Variants in TANK observed in about 807,000 individuals in gnomAD.
The protein encoded by TANK is TRAF family member-associated NF-kappa-B activator.
TANK carries 15 observed loss-of-function variants against 43.6 expected under a neutral mutation model. The observed-to-expected ratio is 0.34, with a 90% CI of 0.23 to 0.53. The LOEUF (loss-of-function observed/expected upper bound fraction) is 0.53, where lower values mean the gene tolerates loss of function less well. Among genes scored for constraint, TANK ranks in the 20% least tolerant of loss-of-function variants. The pLI is 0.94. For missense variants in TANK, 417 were observed against 498.6 expected (o/e 0.84, Z 1.56); for synonymous variants, 162 against 178.2 (o/e 0.91, Z 0.73).
intron 4 of TANK, among the ~76,000 whole-genome samples, chr2:161,218,094 C>T (rs908824268): frequency 6.6e-6 from 1 of 152,084 alleles, no homozygotes; most frequent in Admixed American, 6.6e-5. Context: ...TTTGGCAAAA[C>T]TTGAGTAAAT....
At chr2:161,216,085 A>G (rs779442643) in intron 4 of TANK, among the ~76,000 whole-genome samples, 20 of 152,140 alleles carry the variant, frequency 1.3e-4, no homozygotes, top group Admixed American at 4.6e-4. Flanking sequence ...TGTCAATAGT[A>G]GTGTGATTTT....
intron 4 of TANK, among the ~76,000 whole-genome samples, chr2:161,217,381 CCTT>C (rs973303699): frequency 1.4e-4 from 22 of 152,282 alleles, no homozygotes; most frequent in African/African-American, 4.6e-4. Flanking sequence ...ATCTCATTCT[CCTT>C]CTTGGTTCTT....
At chr2:161,144,037 T>C (rs1683830436) in intron 1 of TANK, among the ~76,000 whole-genome samples, 1 of 152,188 alleles carries the variant, frequency 6.6e-6, no homozygotes, top group Non-Finnish European at 1.5e-5. Context: ...GGTTTAGTCT[T>C]GGGAGGGTGT....
At chr2:161,137,291 A>T (rs1683614364) in intron 1 of TANK, 1 of 967,100 alleles carries the variant, frequency 1.0e-6, no homozygotes, top group South Asian at 4.8e-5. Context: ...TGGGAGGCCA[A>T]GGTAAGAGGA....
intron 1 of TANK, among the ~76,000 whole-genome samples, chr2:161,148,116 G>T (rs1356847404): frequency 6.6e-6 from 1 of 152,122 alleles, no homozygotes; most frequent in Non-Finnish European, 1.5e-5. Context: ...TTCCACAGTG[G>T]TTGAACTATT....
chr2:161,169,882 C>A (rs1440238069), intron 1 of TANK, among the ~76,000 whole-genome samples: 1 of 152,138 alleles, frequency 6.6e-6, no homozygotes, highest in Non-Finnish European at 1.5e-5. Context: ...AAAGGGAAGA[C>A]AATATATGCT....
chr2:161,167,612 G>A (rs1243185940), intron 1 of TANK, among the ~76,000 whole-genome samples: 1 of 151,662 alleles, frequency 6.6e-6, no homozygotes. Flanking sequence ...CCAGGTTTTT[G>A]TTTGTTTGTT....
intron 2 of TANK, among the ~76,000 whole-genome samples, chr2:161,202,667 A>G (rs903201434): frequency 6.6e-6 from 1 of 152,142 alleles, no homozygotes; most frequent in African/African-American, 2.4e-5. Flanking sequence ...TTTGCAACTT[A>G]GTCATTATTT....
At chr2:161,219,068 A>T (rs985604434) in intron 4 of TANK, among the ~76,000 whole-genome samples, 1 of 152,230 alleles carries the variant, frequency 6.6e-6, no homozygotes, top group Non-Finnish European at 1.5e-5. Flanking sequence ...CTTCCCTTTA[A>T]AGAAATCAGA....
At chr2:161,152,998 C>T (rs182793126) in intron 1 of TANK, among the ~76,000 whole-genome samples, 12 of 151,966 alleles carry the variant, frequency 7.9e-5, no homozygotes, top group African/African-American at 2.7e-4. Flanking sequence ...ATTTTTTCTG[C>T]TTCATTTCTC....
chr2:161,175,356 G>C (rs150313036), intron 1 of TANK, among the ~76,000 whole-genome samples: 1 of 152,264 alleles, frequency 6.6e-6, no homozygotes, highest in Non-Finnish European at 1.5e-5. Context: ...TATAGCTATA[G>C]ATAAGTCATT....
intron 1 of TANK, among the ~76,000 whole-genome samples, chr2:161,149,891 A>ATT (rs1192493679): frequency 2.0e-5 from 3 of 152,014 alleles, no homozygotes; most frequent in African/African-American, 7.2e-5. Flanking sequence ...GTTTGCTAGT[A>ATT]TTTTGTGGAG....
At chr2:161,180,857 C>T (rs1027452465) in intron 2 of TANK, among the ~76,000 whole-genome samples, 2 of 151,032 alleles carry the variant, frequency 1.3e-5, no homozygotes, top group Admixed American at 6.6e-5. Context: ...AATTCAGTAA[C>T]GTGTGCAGTA....
chr2:161,215,138 C>T (rs971096526), intron 4 of TANK, among the ~76,000 whole-genome samples: 4 of 152,246 alleles, frequency 2.6e-5, no homozygotes, highest in African/African-American at 9.6e-5. Context: ...TTACCTCTCC[C>T]AACAGTGGAT....
intron 5 of TANK, 48 bp from the exon 6 acceptor site, chr2:161,224,583 C>A: frequency 1.2e-6 from 1 of 859,462 alleles, no homozygotes; most frequent in Non-Finnish European, 1.7e-6. Flanking sequence ...ATTTAAAAAA[C>A]TTGGAAGTTA....
chr2:161,218,008 A>T (rs141207308), intron 4 of TANK, among the ~76,000 whole-genome samples: 2 of 152,158 alleles, frequency 1.3e-5, no homozygotes, highest in Non-Finnish European at 2.9e-5. Flanking sequence ...CTTAACTTCT[A>T]TGCCAAGTTT....
At chr2:161,159,245 A>AG (rs1182744213), upstream of TANK, 4 of 152,380 alleles carry the variant, frequency 2.6e-5, no homozygotes, top group African/African-American at 9.6e-5. Flanking sequence ...ACCTGCACAC[A>AG]GATATTTATA....
chr2:161,214,421 T>C (rs943774243), intron 4 of TANK, among the ~76,000 whole-genome samples: 1 of 152,304 alleles, frequency 6.6e-6, no homozygotes, highest in East Asian at 1.9e-4. Flanking sequence ...ACACAAAATA[T>C]TAAAAATATG....
upstream of TANK, among the ~76,000 whole-genome samples, chr2:161,157,630 G>A (rs75510041): frequency 2.2e-3 from 339 of 152,278 alleles, 1 homozygote; most frequent in African/African-American, 7.6e-3. Flanking sequence ...AGGTTTCCTT[G>A]TCCTTAGGTT....
Sources: allele counts gnomAD v4.1 joint callset (sites outside exome capture counted in the v4.1 genomes callset), GRCh38; gene constraint gnomAD v4.1.1; transcripts MANE v1.5; gene names NCBI Gene and HGNC (gene_info 2026-07-23, HGNC 2026-07-21).